Variants in SRPK2 observed in about 807,000 individuals in gnomAD.
The protein encoded by SRPK2 is SFRS protein kinase 2.
Under a neutral mutation model 90.8 loss-of-function variants are expected in SRPK2, and 21 were observed. That is an observed-to-expected ratio of 0.23 (90% CI 0.16 to 0.33). The LOEUF is 0.33. Ranked by LOEUF, SRPK2 falls within the 10% of genes least tolerant of loss-of-function variation. The pLI, the probability that SRPK2 is intolerant of heterozygous loss-of-function variation, is 1.00. For missense variants in SRPK2, 620 were observed against 869.0 expected, an observed-to-expected ratio of 0.71 and a Z score of 3.60; for synonymous variants, 288 against 311.1, an observed-to-expected ratio of 0.93 and a Z score of 0.78.
chr7:105,126,153 G>A (rs1801170558), intron 15 of SRPK2, 95 bp downstream of exon 15: 2 of 1,076,138 alleles, frequency 1.9e-6, no homozygotes, highest in East Asian at 2.4e-5. Context: ...TTCGAATTTA[G>A]GAGAAATGCC....
chr7:105,223,028 AC>A lies in SRPK2; in HGVS notation c.72-19244del, dbSNP rs568170087. Among the ~76,000 whole-genome samples the A allele has an allele frequency of 2.9e-3, 436 of 152,248 alleles. 1 individual carries two copies. The highest frequency in any genetic ancestry group is 9.8e-3 in the African/African-American group (406 of 41,530). ...AAAAAACTTTCCTACTGAGACAATT[AC>A]TCTTTGTGAAAAATAAGAGGTAGGC... On this transcript the variant is annotated intron_variant, in intron 2 of 15. Transcript: ENST00000393651.
chr7:105,344,291 G>T (rs911439152), intron 2 of SRPK2, among the ~76,000 whole-genome samples: 1 of 115,522 alleles, frequency 8.7e-6, no homozygotes, highest in Non-Finnish European at 2.1e-5. Context: ...TATGGACATA[G>T]AATTTTTTTT....
chr7:105,227,932 A>G (rs1798923247), intron 2 of SRPK2, among the ~76,000 whole-genome samples: 1 of 151,786 alleles, frequency 6.6e-6, no homozygotes, highest in African/African-American at 2.4e-5. Flanking sequence ...AACAACGATA[A>G]GACTCCAAAT....
intron 6 of SRPK2, among the ~76,000 whole-genome samples, chr7:105,165,007 C>A (rs1321557435): frequency 6.6e-6 from 1 of 152,176 alleles, no homozygotes; most frequent in African/African-American, 2.4e-5. Context: ...CTACTCCAGG[C>A]ACACAAAGGG....
intron 2 of SRPK2, among the ~76,000 whole-genome samples, chr7:105,340,041 G>C (rs1815561272): frequency 6.8e-6 from 1 of 146,238 alleles, no homozygotes; most frequent in South Asian, 2.2e-4. Flanking sequence ...CTAGGAGACA[G>C]AGTGAAACAC....
intron 3 of SRPK2, among the ~76,000 whole-genome samples, chr7:105,196,158 C>T (rs1374512765): frequency 6.6e-6 from 1 of 152,104 alleles, no homozygotes; most frequent in African/African-American, 2.4e-5. Context: ...GTAATGAGGC[C>T]TTATGTAATA....
chr7:105,139,695 G>A (rs1803417045), intron 11 of SRPK2, among the ~76,000 whole-genome samples: 1 of 152,082 alleles, frequency 6.6e-6, no homozygotes, highest in South Asian at 2.1e-4. Context: ...TACATTCAAT[G>A]GGAAATTTTT....
At chr7:105,176,551 G>C (rs1246895202) in intron 3 of SRPK2, among the ~76,000 whole-genome samples, 1 of 144,624 alleles carries the variant, frequency 6.9e-6, no homozygotes, top group African/African-American at 2.7e-5. Flanking sequence ...ATGTGGTTTT[G>C]CATATATGTG....
intron 5 of SRPK2, among the ~76,000 whole-genome samples, 185 bp from the exon 6 acceptor site, chr7:105,167,649 C>T (rs112074718): frequency 6.6e-6 from 1 of 152,048 alleles, no homozygotes; most frequent in Non-Finnish European, 1.5e-5. Context: ...CTTGCTCTAT[C>T]GCCCAGTCTG....
intron 2 of SRPK2, among the ~76,000 whole-genome samples, chr7:105,290,184 G>A (rs1479404177): frequency 1.6e-5 from 2 of 122,304 alleles, no homozygotes; most frequent in African/African-American, 2.9e-5. Flanking sequence ...CTAACACAGA[G>A]ACACAGGCTC....
intron 3 of SRPK2, among the ~76,000 whole-genome samples, chr7:105,185,609 TTAA>T (rs1408315725): frequency 1.3e-5 from 2 of 152,168 alleles, no homozygotes; most frequent in Non-Finnish European, 2.9e-5. Context: ...AATGAAATTC[TTAA>T]TTATTCTAAA....
At chr7:105,180,756 TCAA>T (rs936761774) in intron 3 of SRPK2, among the ~76,000 whole-genome samples, 11 of 152,102 alleles carry the variant, frequency 7.2e-5, no homozygotes, top group East Asian at 1.9e-4. Flanking sequence ...AGACTTTGTC[TCAA>T]CAACAACAAG....
intron 2 of SRPK2, among the ~76,000 whole-genome samples, chr7:105,209,708 G>A (rs1342246195): frequency 6.6e-6 from 1 of 150,494 alleles, no homozygotes; most frequent in African/African-American, 2.4e-5. Flanking sequence ...GAAAGAGAAA[G>A]GAAAACAAAA....
chr7:105,170,790 A>AAGGAAGGAAGGAC lies in SRPK2; in HGVS notation c.230-1526_230-1525insGTCCTTCCTTCCT, dbSNP rs1554435316. The stretch of plus-strand genomic sequence containing the variant: ...AAGGAAGGAAGGAAGGACGGGAGGG[A>AAGGAAGGAAGGAC]GGGAGGGAGGGAGGGAGAGAGAGAG... On this transcript the variant is annotated intron_variant, in intron 3 of 15. Transcript: ENST00000393651. 1.1e-3 allele frequency among the ~76,000 whole-genome samples: 79 copies of AAGGAAGGAAGGAC among 70,424 alleles called. 6 individuals are homozygous for AAGGAAGGAAGGAC. Among genetic ancestry groups the AAGGAAGGAAGGAC allele is most frequent in the African/African-American group, 4.6e-3 (67 of 14,562 alleles). The allele number at this position is 70,424 out of a possible 152,430, so 46.2% of individuals were successfully genotyped here.
chr7:105,351,143 T>C (rs1817125318), intron 2 of SRPK2, among the ~76,000 whole-genome samples: 1 of 152,010 alleles, frequency 6.6e-6, no homozygotes, highest in Non-Finnish European at 1.5e-5. Flanking sequence ...TAACGGATTA[T>C]CCTGGGAGTG....
rs533393255 is a variant in SRPK2, at chr7:105,322,465, A to G, written c.71+66183T>C. 2.5e-3 allele frequency among the ~76,000 whole-genome samples: 376 copies of G among 152,340 alleles called. 2 individuals are homozygous for G. The highest frequency in any genetic ancestry group is 0.018 in the South Asian group (88 of 4,820). On this transcript the variant is annotated intron_variant, in intron 2 of 15. Transcript: ENST00000393651. ...AACCTCAGAAACGTCATGCAAAGTG[A>G]AAGAAGCCAGACACAAAAGGTCATG...
chr7:105,206,107 C>T (rs1179352837), intron 2 of SRPK2: 4 of 460,268 alleles, frequency 8.7e-6, no homozygotes, highest in Non-Finnish European at 1.7e-5. Flanking sequence ...TTCACCATCG[C>T]TGCCCTCCAG....
At chr7:105,209,529 C>A (rs1245151911) in intron 2 of SRPK2, among the ~76,000 whole-genome samples, 2 of 148,864 alleles carry the variant, frequency 1.3e-5, no homozygotes, top group East Asian at 2.0e-4. Flanking sequence ...CAGAGTGAGA[C>A]CCTGTCTCAG....
chr7:105,129,998 C>G (rs1237672786), intron 13 of SRPK2, among the ~76,000 whole-genome samples: 1 of 152,092 alleles, frequency 6.6e-6, no homozygotes, highest in Non-Finnish European at 1.5e-5. Context: ...TACATAAATG[C>G]AGAGAAACCA....
Sources: gnomAD v4.1 joint callset for allele counts (sites outside exome capture counted in the v4.1 genomes callset) on GRCh38, gnomAD v4.1.1 for gene constraint, MANE v1.5 for transcripts, NCBI Gene and HGNC (gene_info 2026-07-23, HGNC 2026-07-21) for gene names.